Variants in BEND6 observed in about 807,000 individuals in gnomAD.
BEND6 encodes the protein BEN domain containing 6.
In BEND6, 24 loss-of-function variants were observed where a neutral mutation model predicts 31.8. The ratio of observed to expected loss-of-function variants is 0.75; its 90% CI spans 0.55 to 1.06. The LOEUF (loss-of-function observed/expected upper bound fraction) is 1.06, where lower values mean the gene tolerates loss of function less well. Ranked by LOEUF, BEND6 falls within the 50% of genes least tolerant of loss-of-function variation. The probability of loss-of-function intolerance (pLI) is 0.00; values close to 1 mark genes in which losing one functional copy is unlikely to be tolerated. For missense variants in BEND6, 294 were observed against 327.4 expected, an observed-to-expected ratio of 0.90 and a Z score of 0.79; for synonymous variants, 109 against 114.6, an observed-to-expected ratio of 0.95 and a Z score of 0.31.
intron 3 of BEND6, among the ~76,000 whole-genome samples, chr6:56,994,351 G>GA (rs1484233849): frequency 1.4e-5 from 2 of 144,688 alleles, no homozygotes; most frequent in East Asian, 4.3e-4. Context: ...CCCAGCTACT[G>GA]GAAGGCTGAG....
chr6:56,958,142 G>A (rs532714579), intron 1 of BEND6, among the ~76,000 whole-genome samples: 11 of 152,276 alleles, frequency 7.2e-5, no homozygotes, highest in African/African-American at 2.4e-4. Context: ...TCCATAAGGC[G>A]TTCAGCATGT....
At chr6:56,971,606 A>G (rs1243961747) in intron 1 of BEND6, among the ~76,000 whole-genome samples, 1 of 152,176 alleles carries the variant, frequency 6.6e-6, no homozygotes, top group Non-Finnish European at 1.5e-5. Context: ...ACAGGGTTCC[A>G]GTTCCTCTAT....
chr6:56,997,249 A>G (rs1826753673), intron 3 of BEND6, among the ~76,000 whole-genome samples: 1 of 151,750 alleles, frequency 6.6e-6, no homozygotes, highest in Non-Finnish European at 1.5e-5. Context: ...TTGAACCCCC[A>G]TTTCTTTCAG....
intron 1 of BEND6, among the ~76,000 whole-genome samples, chr6:56,979,079 A>C (rs1825982824): frequency 6.6e-6 from 1 of 152,212 alleles, no homozygotes; most frequent in Admixed American, 6.5e-5. Context: ...TTTAAGTTCA[A>C]ATTACAGTTC....
At chr6:56,999,949 G>A (rs376022905) in intron 3 of BEND6, among the ~76,000 whole-genome samples, 29 of 150,626 alleles carry the variant, frequency 1.9e-4, no homozygotes, top group East Asian at 5.9e-4. Context: ...TGGCTGCCCC[G>A]TCTGGGAGGT....
Position 57,026,500 on chromosome 6 carries a change from T to C in BEND6, c.*428T>C, listed in dbSNP as rs921372360. ...GATTATTACCAGTGACTTCCCATTA[T>C]AGTTTTTGGATCTTTAGCATAAGCA... On this transcript the variant is annotated 3_prime_UTR_variant, in exon 7 of 7. Transcript: ENST00000370746. 1.3e-5 allele frequency: 2 copies of C among 152,254 alleles called. No homozygotes were observed. The highest frequency in any genetic ancestry group is 2.9e-5 in the Non-Finnish European group (2 of 68,050). The allele number at this position is 152,254 out of a possible 1,614,324, so 9.4% of individuals were successfully genotyped here. A position where few individuals can be genotyped will look rare whatever the true frequency, so the allele number is the denominator to read the frequency against.
intron 3 of BEND6, among the ~76,000 whole-genome samples, 173 bp from the exon 4 acceptor site, chr6:57,014,960 T>C (rs1827480303): frequency 6.6e-6 from 1 of 152,240 alleles, no homozygotes; most frequent in South Asian, 2.1e-4. Context: ...AATTATTTAA[T>C]AATAAAAGTA....
At chr6:56,996,067 T>C (rs1190867071) in intron 3 of BEND6, among the ~76,000 whole-genome samples, 1 of 152,226 alleles carries the variant, frequency 6.6e-6, no homozygotes, top group East Asian at 1.9e-4. Flanking sequence ...AAATATTTTA[T>C]GAGTCCCCTG....
At chr6:57,003,193 T>C (rs1169556559) in intron 3 of BEND6, among the ~76,000 whole-genome samples, 1 of 152,120 alleles carries the variant, frequency 6.6e-6, no homozygotes, top group Non-Finnish European at 1.5e-5. Flanking sequence ...TATCGAGTTC[T>C]AAAATTGGAC....
chr6:56,996,989 T>A (rs529490780), intron 3 of BEND6, among the ~76,000 whole-genome samples: 1 of 152,326 alleles, frequency 6.6e-6, no homozygotes, highest in Admixed American at 6.5e-5. Flanking sequence ...CTCCAGTGGA[T>A]TTGTACCTCA....
At chr6:56,973,070 G>A (rs1405283544) in intron 1 of BEND6, among the ~76,000 whole-genome samples, 1 of 152,186 alleles carries the variant, frequency 6.6e-6, no homozygotes, top group Non-Finnish European at 1.5e-5. Flanking sequence ...GTGTGGTGAT[G>A]ACGCATTTGA....
At chr6:56,995,544 C>G (rs1248668397) in intron 3 of BEND6, among the ~76,000 whole-genome samples, 1 of 152,158 alleles carries the variant, frequency 6.6e-6, no homozygotes, top group Non-Finnish European at 1.5e-5. Flanking sequence ...AAGGTGTCAG[C>G]AGGGCCATAC....
intron 2 of BEND6, among the ~76,000 whole-genome samples, chr6:56,984,056 C>A (rs1256965348): frequency 1.3e-5 from 2 of 151,460 alleles, no homozygotes; most frequent in Non-Finnish European, 2.9e-5. Context: ...CTCTCTCTAC[C>A]AAAAAAAATT....
chr6:56,975,286 A>ATCACT (rs79148457), intron 1 of BEND6, among the ~76,000 whole-genome samples: 34,825 of 151,848 alleles, frequency 0.23, 4,089 homozygotes, highest in African/African-American at 0.26. Flanking sequence ...GTAAAAAATA[A>ATCACT]TCATTCAATA....
chr6:56,994,860 A>G (rs890093519), intron 3 of BEND6, among the ~76,000 whole-genome samples: 1 of 152,194 alleles, frequency 6.6e-6, no homozygotes, highest in Admixed American at 6.5e-5. Context: ...ATCACTTACT[A>G]TGACCAGTTT....
chr6:57,018,630 G>T (rs1413022387), intron 6 of BEND6, 73 bp downstream of exon 6: 5 of 1,300,420 alleles, frequency 3.8e-6, no homozygotes, highest in East Asian at 5.7e-5. Context: ...TATTGGAATA[G>T]CATTTTCCAA....
chr6:57,026,115 T>G lies in BEND6; in HGVS notation c.*43T>G, dbSNP rs1827893766. 1 of 152,218 alleles carries G rather than the reference T, an allele frequency of 6.6e-6. No homozygotes were observed. Among genetic ancestry groups the G allele is most frequent in the South Asian group, 2.1e-4 (1 of 4,830 alleles). 9.4% of individuals were successfully genotyped at this position (152,218 alleles called of 1,614,324 possible). On this transcript the variant is annotated 3_prime_UTR_variant, in exon 7 of 7. Transcript: ENST00000370746. ...GGTATCTGAAACAAAGCACCTTCAA[T>G]TCTAAATCTAGCACTGGATTTTGTT...
intron 1 of BEND6, among the ~76,000 whole-genome samples, chr6:56,964,066 T>C (rs1235178406): frequency 8.7e-5 from 13 of 149,404 alleles, no homozygotes; most frequent in South Asian, 2.1e-4. Flanking sequence ...TTTATATTAT[T>C]ATATACCTGA....
chr6:57,000,167 A>G (rs1229202126), intron 3 of BEND6, among the ~76,000 whole-genome samples: 1 of 152,136 alleles, frequency 6.6e-6, no homozygotes, highest in Non-Finnish European at 1.5e-5. Context: ...ATGTGGGGAA[A>G]ACAAAGAGAG....
Sources: allele counts gnomAD v4.1 joint callset (sites outside exome capture counted in the v4.1 genomes callset), GRCh38; gene constraint gnomAD v4.1.1; transcripts MANE v1.5; gene names NCBI Gene and HGNC (gene_info 2026-07-23, HGNC 2026-07-21).